The following OCA2 variants were observed in gnomAD, a reference collection of about 807,000 sequenced individuals.
The protein encoded by OCA2 is OCA2 melanosomal transmembrane protein, also known as P protein.
Under a neutral mutation model 100.2 loss-of-function variants are expected in OCA2, and 77 were observed. The observed-to-expected ratio is 0.77, with a 90% confidence interval of 0.64 to 0.93. OCA2 has a LOEUF of 0.93. Among genes scored for constraint, OCA2 ranks in the 40% least tolerant of loss-of-function variants. The probability of loss-of-function intolerance (pLI) is 0.00; values close to 1 mark genes in which losing one functional copy is unlikely to be tolerated. For synonymous variants in OCA2, 432 were observed against 439.2 expected, an observed-to-expected ratio of 0.98 and a Z score of 0.21; for missense variants, 1,062 against 1,089.1, an observed-to-expected ratio of 0.98 and a Z score of 0.35.
chr15:27,979,916 G>A (rs941847438), intron 14 of OCA2, among the ~76,000 whole-genome samples: 7 of 135,210 alleles, frequency 5.2e-5, no homozygotes, highest in East Asian at 4.2e-4. Flanking sequence ...GGTTTTAACC[G>A]TGTTAGCCAG....
At chr15:28,035,259 T>C (rs895216166) in intron 2 of OCA2, among the ~76,000 whole-genome samples, 1 of 152,234 alleles carries the variant, frequency 6.6e-6, no homozygotes, top group Non-Finnish European at 1.5e-5. Flanking sequence ...TTCTGAGCTT[T>C]TTTATGTAAT....
chr15:27,744,180 G>A, the OCA2 span, among the ~76,000 whole-genome samples: 6 of 152,184 alleles, frequency 3.9e-5, no homozygotes, highest in African/African-American at 7.2e-5. Context: ...CTAAGATCCG[G>A]GGTGTCAGCC....
intron 3 of OCA2, among the ~76,000 whole-genome samples, chr15:28,031,277 T>C (rs2042899787): frequency 6.6e-6 from 1 of 152,226 alleles, no homozygotes; most frequent in Non-Finnish European, 1.5e-5. Flanking sequence ...ATCCTCAGCT[T>C]TGTGCTTGAA....
intron 21 of OCA2, among the ~76,000 whole-genome samples, chr15:27,864,102 G>C (rs940854553): frequency 1.3e-5 from 2 of 152,052 alleles, no homozygotes; most frequent in Admixed American, 6.6e-5. Context: ...CCACCCAGAG[G>C]GCATCCATTG....
chr15:27,907,798 T>C (rs1373777479), intron 19 of OCA2, among the ~76,000 whole-genome samples: 3 of 152,150 alleles, frequency 2.0e-5, no homozygotes, highest in Non-Finnish European at 4.4e-5. Context: ...ATTGCCAATA[T>C]TGACCCCATC....
At chr15:28,020,399 C>T (rs1417876460) in intron 6 of OCA2, among the ~76,000 whole-genome samples, 1 of 152,152 alleles carries the variant, frequency 6.6e-6, no homozygotes, top group African/African-American at 2.4e-5. Flanking sequence ...AAATCTCCCC[C>T]TCCTGCCTGA....
At chr15:27,721,663 A>G in the OCA2 span, among the ~76,000 whole-genome samples, 1 of 152,192 alleles carries the variant, frequency 6.6e-6, no homozygotes, top group East Asian at 1.9e-4. Context: ...TTCCTCAACT[A>G]TAAATTCAAG....
chr15:27,846,160 G>A (rs1438738876), intron 22 of OCA2, among the ~76,000 whole-genome samples: 2 of 152,102 alleles, frequency 1.3e-5, no homozygotes, highest in East Asian at 3.9e-4. Flanking sequence ...TCGGGGCAGT[G>A]CTGGCCCAGA....
intron 21 of OCA2, among the ~76,000 whole-genome samples, chr15:27,852,452 T>C (rs960365651): frequency 1.3e-5 from 2 of 152,234 alleles, no homozygotes; most frequent in Admixed American, 1.3e-4. Flanking sequence ...AAACATTAGA[T>C]CTAAAACCAT....
At chr15:27,920,743 G>A (rs1379246733) in intron 19 of OCA2, among the ~76,000 whole-genome samples, 2 of 151,950 alleles carry the variant, frequency 1.3e-5, no homozygotes, top group African/African-American at 4.8e-5. Context: ...AGAAATTCTG[G>A]AATTGAACAA....
chr15:27,990,621 C>T lies in OCA2; in HGVS notation c.1071G>A (p.Met357Ile). 1.2e-6 allele frequency: 2 copies of T among 1,614,048 alleles called. No homozygotes were observed. The highest frequency in any genetic ancestry group is 1.6e-4 in the Middle Eastern group (1 of 6,062). The change falls in exon 10 of 24, where the codon ATG (methionine) becomes ATA (isoleucine). Residue 357 changes from methionine to isoleucine, a missense_variant. Met to Ile is a conservative substitution (Grantham distance 10). Transcript: ENST00000354638. ...CTGCCAGTGCTGCAAGGGAACCCAG[C>T]ATGGCCGCCAGAGTTCTGTGCACGA... is the stretch of plus-strand genomic sequence containing the variant. The part of the protein sequence containing the change: ...FEIVHRTLAA[M>I]LGSLAALAAL...
At chr15:27,980,095 T>C (rs572729863) in intron 14 of OCA2, among the ~76,000 whole-genome samples, 23 of 152,218 alleles carry the variant, frequency 1.5e-4, no homozygotes, top group Middle Eastern at 3.4e-3. Context: ...CATTACTGTT[T>C]TCTTTAAACA....
At chr15:28,014,978 G>T (rs560926613) in intron 8 of OCA2, 49 bp from the exon 9 acceptor site, 3 of 1,587,144 alleles carry the variant, frequency 1.9e-6, no homozygotes, top group Non-Finnish European at 2.6e-6. Flanking sequence ...AACAGTTAGG[G>T]GACCTCCCTC....
At chr15:28,096,694 C>T (rs2044990401) in intron 1 of OCA2, among the ~76,000 whole-genome samples, 1 of 152,310 alleles carries the variant, frequency 6.6e-6, no homozygotes, top group East Asian at 1.9e-4. Flanking sequence ...GCTTCTAGAA[C>T]GTTAAGCCAA....
chr15:27,805,545 C>T (rs902231069), intron 23 of OCA2, among the ~76,000 whole-genome samples: 1 of 152,172 alleles, frequency 6.6e-6, no homozygotes, highest in African/African-American at 2.4e-5. Context: ...TGGAGCCGCT[C>T]GCCCAGGATG....
intron 19 of OCA2, among the ~76,000 whole-genome samples, chr15:27,885,027 T>A (rs2151564278): frequency 6.6e-6 from 1 of 152,312 alleles, no homozygotes; most frequent in South Asian, 2.1e-4. Flanking sequence ...TTTCACTCTT[T>A]TACATTATGT....
intron 21 of OCA2, among the ~76,000 whole-genome samples, chr15:27,862,544 G>A (rs766573995): frequency 2.7e-4 from 41 of 150,022 alleles, no homozygotes; most frequent in Non-Finnish European, 4.3e-4. Context: ...GTGCGATCTC[G>A]GCTCACTGCA....
At chr15:27,725,661 C>T in the OCA2 span, among the ~76,000 whole-genome samples, 13,727 of 152,190 alleles carry the variant, frequency 0.09, 2,134 homozygotes, top group African/African-American at 0.31. Flanking sequence ...TCTGAAGCTT[C>T]TTTAAAGGCC....
At chr15:28,063,609 C>G (rs2043939971) in intron 2 of OCA2, among the ~76,000 whole-genome samples, 1 of 152,068 alleles carries the variant, frequency 6.6e-6, no homozygotes, top group Non-Finnish European at 1.5e-5. Context: ...GAGAGGATTA[C>G]AATTATCATC....
Sources: gnomAD v4.1 joint callset for allele counts (sites outside exome capture counted in the v4.1 genomes callset) on GRCh38, gnomAD v4.1.1 for gene constraint, MANE v1.5 for transcripts, NCBI Gene and HGNC (gene_info 2026-07-23, HGNC 2026-07-21) for gene names.